DAB1: variants seen among roughly 807,000 people sequenced by gnomAD.
DAB1 encodes the protein DAB adaptor protein 1, also known as disabled homolog 1.
A neutral mutation model predicts 64.6 loss-of-function variants in DAB1; 15 were observed. The observed-to-expected ratio is 0.23, with a 90% confidence interval of 0.16 to 0.36. The LOEUF (loss-of-function observed/expected upper bound fraction) is 0.36. DAB1 is among the 10% of genes least tolerant of loss of function. The pLI, the probability that DAB1 is intolerant of heterozygous loss-of-function variation, is 1.00. For missense variants in DAB1, 596 were observed against 706.7 expected (o/e 0.84, Z 1.78); for synonymous variants, 235 against 251.9 (o/e 0.93, Z 0.64).
intron 4 of DAB1, among the ~76,000 whole-genome samples, chr1:58,211,769 C>G (rs570182565): frequency 1.3e-5 from 2 of 152,248 alleles, no homozygotes; most frequent in South Asian, 4.2e-4. Context: ...GAGATGAAAT[C>G]ACTTTCCTGT....
chr1:58,386,058 T>C (rs1039677894), intron 3 of DAB1, among the ~76,000 whole-genome samples: 4 of 152,150 alleles, frequency 2.6e-5, no homozygotes, highest in Non-Finnish European at 2.9e-5. Context: ...AGCGTTTTCG[T>C]ATCATTAAAA....
At chr1:58,502,583 T>C (rs541824381) in intron 3 of DAB1, among the ~76,000 whole-genome samples, 5 of 152,340 alleles carry the variant, frequency 3.3e-5, no homozygotes, top group South Asian at 2.1e-4. Flanking sequence ...GAACATAACA[T>C]ACTCACTAGA....
intron 4 of DAB1, among the ~76,000 whole-genome samples, chr1:58,199,041 A>C (rs1657852252): frequency 6.6e-6 from 1 of 152,212 alleles, no homozygotes; most frequent in African/African-American, 2.4e-5. Flanking sequence ...TGGGAGGCAG[A>C]GGTTGCAGTG....
At chr1:57,271,901 T>C (rs1361031237) in intron 2 of DAB1, among the ~76,000 whole-genome samples, 1 of 152,156 alleles carries the variant, frequency 6.6e-6, no homozygotes, top group African/African-American at 2.4e-5. Flanking sequence ...TGGGCTGAGC[T>C]TTACAGATTT....
At chr1:57,223,520 T>G (rs1485483579) in intron 2 of DAB1, among the ~76,000 whole-genome samples, 2 of 152,178 alleles carry the variant, frequency 1.3e-5, no homozygotes, top group African/African-American at 4.8e-5. Context: ...CTGGTCCCTA[T>G]GCTCAGCAGA....
At chr1:58,197,373 A>G (rs899261001) in intron 4 of DAB1, among the ~76,000 whole-genome samples, 1 of 151,590 alleles carries the variant, frequency 6.6e-6, no homozygotes, top group Non-Finnish European at 1.5e-5. Flanking sequence ...TTATGGTATT[A>G]GAAGAAACAA....
intron 5 of DAB1, among the ~76,000 whole-genome samples, chr1:57,933,970 A>G (rs1644988442): frequency 6.6e-6 from 1 of 150,726 alleles, no homozygotes; most frequent in Non-Finnish European, 1.5e-5. Flanking sequence ...ATCTTGGCTC[A>G]CTGCAACCTC....
At chr1:57,320,450 T>C (rs1391089349) in intron 1 of DAB1, among the ~76,000 whole-genome samples, 1 of 152,212 alleles carries the variant, frequency 6.6e-6, no homozygotes, top group Non-Finnish European at 1.5e-5. Flanking sequence ...TGTAAGGTCA[T>C]AGAGCATTAA....
intron 7 of DAB1, among the ~76,000 whole-genome samples, chr1:57,442,026 C>T (rs1346013695): frequency 2.0e-5 from 3 of 152,112 alleles, no homozygotes; most frequent in Admixed American, 6.6e-5. Context: ...TTGCATATCT[C>T]TAATGATTAG....
chr1:58,032,179 G>A (rs951650472), intron 5 of DAB1, among the ~76,000 whole-genome samples: 1 of 152,066 alleles, frequency 6.6e-6, no homozygotes, highest in African/African-American at 2.4e-5. Context: ...ATTTTAACAA[G>A]ACGCCAGGTG....
At chr1:57,122,096 G>A (rs1656718403) in intron 4 of DAB1, among the ~76,000 whole-genome samples, 1 of 152,106 alleles carries the variant, frequency 6.6e-6, no homozygotes, top group African/African-American at 2.4e-5. Context: ...TAATGAGAAT[G>A]ATTCCCTTTG....
At chr1:57,862,039 G>A (rs1161609381) in intron 1 of DAB1, among the ~76,000 whole-genome samples, 2 of 152,022 alleles carry the variant, frequency 1.3e-5, no homozygotes, top group Admixed American at 1.3e-4. Context: ...TGACTACAAT[G>A]GAAAATAATT....
At chr1:57,462,345 C>T (rs976467581) in intron 7 of DAB1, among the ~76,000 whole-genome samples, 4 of 152,108 alleles carry the variant, frequency 2.6e-5, no homozygotes, top group African/African-American at 9.7e-5. Flanking sequence ...GTCATGTCAC[C>T]TCTCTAGGCC....
chr1:57,418,462 A>C (rs1684657811), intron 1 of DAB1, among the ~76,000 whole-genome samples: 1 of 152,212 alleles, frequency 6.6e-6, no homozygotes, highest in South Asian at 2.1e-4. Context: ...AAAATTGTAA[A>C]TCAATATGAA....
At chr1:58,306,128 G>A (rs533943670) in intron 4 of DAB1, among the ~76,000 whole-genome samples, 1 of 152,318 alleles carries the variant, frequency 6.6e-6, no homozygotes, top group East Asian at 1.9e-4. Flanking sequence ...AAAGAGAGAA[G>A]AACCTCAAGT....
chr1:57,414,589 C>T (rs1016691374), intron 1 of DAB1, among the ~76,000 whole-genome samples: 1 of 152,134 alleles, frequency 6.6e-6, no homozygotes, highest in Admixed American at 6.5e-5. Context: ...GGAATGGAAC[C>T]AGCCGTATCT....
chr1:57,183,911 A>G lies in DAB1; in HGVS notation c.68-38482T>C, dbSNP rs61767510. ...GAATCATGGAAGTTTTCTGGAGGAGACACCATTAGCTCAAGCCAGAAAAGG... is the reference window on the plus strand; with the variant it reads ...GAATCATGGAAGTTTTCTGGAGGAGGCACCATTAGCTCAAGCCAGAAAAGG... On this transcript the variant is annotated intron_variant, in intron 2 of 14. Transcript: ENST00000371236. Among the ~76,000 whole-genome samples the G allele has an allele frequency of 7.9e-3, 1,204 of 152,240 alleles. 26 individuals carry two copies. The highest frequency in any genetic ancestry group is 0.076 in the East Asian group (391 of 5,162).
intron 6 of DAB1, among the ~76,000 whole-genome samples, chr1:57,701,961 G>T (rs1323338090): frequency 6.6e-6 from 1 of 152,000 alleles, no homozygotes; most frequent in Admixed American, 6.6e-5. Flanking sequence ...TTGAATTCTT[G>T]ATCTGAGAGC....
At chr1:58,466,441 G>C (rs1398902053) in intron 3 of DAB1, among the ~76,000 whole-genome samples, 1 of 152,022 alleles carries the variant, frequency 6.6e-6, no homozygotes. Flanking sequence ...CGGAGGGCCT[G>C]AACTAACACA....
Sources: gnomAD v4.1 joint callset for allele counts (sites outside exome capture counted in the v4.1 genomes callset) on GRCh38, gnomAD v4.1.1 for gene constraint, MANE v1.5 for transcripts, NCBI Gene and HGNC (gene_info 2026-07-23, HGNC 2026-07-21) for gene names.